Variants in TAFA5 observed in about 807,000 individuals in gnomAD.
The protein encoded by TAFA5 is TAFA chemokine like family member 5.
In TAFA5, 6 loss-of-function variants were observed where a neutral mutation model predicts 15.3. That is an observed-to-expected ratio of 0.39 (90% CI 0.21 to 0.77). The LOEUF (loss-of-function observed/expected upper bound fraction) is 0.77. Among genes scored for constraint, TAFA5 ranks in the 30% least tolerant of loss-of-function variants. The pLI, the probability that TAFA5 is intolerant of heterozygous loss-of-function variation, is 0.41. For synonymous variants in TAFA5, 103 were observed against 80.7 expected (o/e 1.28, Z -1.48); for missense variants, 161 against 193.1 (o/e 0.83, Z 0.98).
intron 2 of TAFA5, 95 bp from the exon 3 acceptor site, chr22:48,707,622 C>T (rs560960049): frequency 2.8e-6 from 4 of 1,432,742 alleles, no homozygotes; most frequent in East Asian, 2.4e-5. Flanking sequence ...TGCCTGAGGG[C>T]CCCCCCAGCC....
chr22:48,670,177 C>A (rs1056035037), intron 2 of TAFA5, among the ~76,000 whole-genome samples: 11 of 152,238 alleles, frequency 7.2e-5, no homozygotes, highest in African/African-American at 2.7e-4. Flanking sequence ...GCCCACACTG[C>A]CCCTCATTCT....
chr22:48,697,332 TG>T, intron 2 of TAFA5, among the ~76,000 whole-genome samples: 1 of 150,992 alleles, frequency 6.6e-6, no homozygotes, highest in Non-Finnish European at 1.5e-5. Context: ...GTGGTTATGG[TG>T]ACAGTGGTGA....
intron 2 of TAFA5, among the ~76,000 whole-genome samples, chr22:48,690,156 A>T (rs1928493747): frequency 6.6e-6 from 1 of 151,700 alleles, no homozygotes; most frequent in Admixed American, 6.6e-5. Context: ...TCATAACTGC[A>T]TTTGTCCTCA....
chr22:48,647,936 C>T (rs1169477966), intron 2 of TAFA5, among the ~76,000 whole-genome samples: 1 of 152,134 alleles, frequency 6.6e-6, no homozygotes, highest in Non-Finnish European at 1.5e-5. Flanking sequence ...GAGTGACAGG[C>T]GTAGACTTGG....
chr22:48,585,571 C>G (rs1601596620), intron 1 of TAFA5, among the ~76,000 whole-genome samples: 1 of 151,340 alleles, frequency 6.6e-6, no homozygotes, highest in Non-Finnish European at 1.5e-5. Context: ...ACAGCACACA[C>G]CGCAGACACA....
At chr22:48,584,728 C>T (rs779553064) in intron 1 of TAFA5, among the ~76,000 whole-genome samples, 3 of 148,480 alleles carry the variant, frequency 2.0e-5, no homozygotes, top group Non-Finnish European at 3.0e-5. Flanking sequence ...ACCCCACACG[C>T]ACCATATACA....
At chr22:48,514,171 G>A (rs1921321711) in intron 1 of TAFA5, among the ~76,000 whole-genome samples, 3 of 152,178 alleles carry the variant, frequency 2.0e-5, no homozygotes, top group Non-Finnish European at 4.4e-5. Context: ...GCATATATGA[G>A]TGGGCTCGGG....
chr22:48,585,690 A>G lies in TAFA5; in HGVS notation c.113-60907A>G, dbSNP rs117672488. On this transcript the variant is annotated intron_variant, in intron 1 of 3. Coordinates refer to ENST00000402357, the MANE Select transcript of TAFA5 (RefSeq NM_001082967.3). ...ACCACACACACCACAAACATACACA[A>G]CGTATACACAGACACAGAATATACC... is the stretch of plus-strand genomic sequence containing the variant. Among the ~76,000 whole-genome samples, 377 of 151,498 alleles carry G rather than the reference A, an allele frequency of 2.5e-3. 3 individuals are homozygous for G. Among genetic ancestry groups the G allele is most frequent in the Non-Finnish European group, 4.6e-3 (312 of 67,832 alleles).
At chr22:48,730,660 T>C (rs966916929) in intron 3 of TAFA5, among the ~76,000 whole-genome samples, 3 of 152,188 alleles carry the variant, frequency 2.0e-5, no homozygotes, top group Admixed American at 6.5e-5. Context: ...CTATATCTGT[T>C]ACGGTGATCT....
At position 48,490,294 on chromosome 22, in the gene TAFA5, C is replaced by T. The variant is rs1486686669; in HGVS notation, c.112+590C>T. Reference sequence around the variant, plus strand: ...TGGGATGCCCGGAGGGGGCTCGCCGCGGCCGCGGACGTTTCTCGGGTCGTG... The same window carrying T: ...TGGGATGCCCGGAGGGGGCTCGCCGTGGCCGCGGACGTTTCTCGGGTCGTG... On this transcript the variant is annotated intron_variant, in intron 1 of 3. Coordinates refer to ENST00000402357, the MANE Select transcript of TAFA5 (RefSeq NM_001082967.3). The surrounding 1 kb of genome is among the most constrained non-coding windows in gnomAD (Gnocchi z 5.8). Among the ~76,000 whole-genome samples the T allele has an allele frequency of 6.6e-6, 1 of 152,040 alleles. No individual in the cohort carries two copies. Among genetic ancestry groups the T allele is most frequent in the African/African-American group, 2.4e-5 (1 of 41,428 alleles).
chr22:48,590,396 GGCT>G (rs1924522380), intron 1 of TAFA5, among the ~76,000 whole-genome samples: 1 of 152,218 alleles, frequency 6.6e-6, no homozygotes, highest in African/African-American at 2.4e-5. Flanking sequence ...CAGCTTTTAT[GGCT>G]ACCTTCTATT....
intron 1 of TAFA5, among the ~76,000 whole-genome samples, chr22:48,498,476 A>G (rs1920937184): frequency 6.6e-6 from 1 of 152,078 alleles, no homozygotes; most frequent in Non-Finnish European, 1.5e-5. Flanking sequence ...ATTGGTAGGT[A>G]TATTTAGTAG....
intron 2 of TAFA5, among the ~76,000 whole-genome samples, chr22:48,664,146 G>T (rs1368673685): frequency 6.6e-6 from 1 of 152,210 alleles, no homozygotes; most frequent in Non-Finnish European, 1.5e-5. Flanking sequence ...TCAGTTTGTG[G>T]ATGGAATACA....
At chr22:48,714,638 C>T (rs995943549) in intron 3 of TAFA5, among the ~76,000 whole-genome samples, 2 of 152,202 alleles carry the variant, frequency 1.3e-5, no homozygotes, top group Non-Finnish European at 2.9e-5. Flanking sequence ...TGAAAATCGA[C>T]GTTCTGAGGT....
At chr22:48,548,122 C>T (rs1398002595) in intron 1 of TAFA5, among the ~76,000 whole-genome samples, 1 of 152,204 alleles carries the variant, frequency 6.6e-6, no homozygotes, top group Non-Finnish European at 1.5e-5. Context: ...GCTTCAGGCG[C>T]AGGAGGCCCG....
chr22:48,594,021 C>T (rs1338188846), intron 1 of TAFA5, among the ~76,000 whole-genome samples: 1 of 152,212 alleles, frequency 6.6e-6, no homozygotes, highest in Non-Finnish European at 1.5e-5. Context: ...TCCGGGGAGA[C>T]CCATTGTGAT....
Position 48,740,570 on chromosome 22 carries a change from G to A in TAFA5, c.391-9269G>A, listed in dbSNP as rs986253739. Among the ~76,000 whole-genome samples the A allele has an allele frequency of 2.6e-5, 4 of 152,210 alleles. No homozygotes were observed. In the South Asian group the frequency reaches 6.2e-4, roughly 24 times the overall value. On this transcript the variant is annotated intron_variant, in intron 3 of 3. Coordinates refer to ENST00000402357, the MANE Select transcript of TAFA5 (RefSeq NM_001082967.3). ...TGTCTCCTTCCTAACGTGGAAGCAC[G>A]TGGCAGCGTCGTGGCTTCAGAACCG...
intron 1 of TAFA5, among the ~76,000 whole-genome samples, chr22:48,619,170 C>A (rs1438689858): frequency 6.6e-6 from 1 of 152,196 alleles, no homozygotes; most frequent in Non-Finnish European, 1.5e-5. Flanking sequence ...GCAGCCACGA[C>A]ATGCCACATC....
chr22:48,492,985 C>T (rs1928208357), intron 1 of TAFA5, among the ~76,000 whole-genome samples: 1 of 152,152 alleles, frequency 6.6e-6, no homozygotes, highest in Non-Finnish European at 1.5e-5. Context: ...GACCTCTTGA[C>T]CCAGCTAGAG....
Sources: allele counts gnomAD v4.1 joint callset (sites outside exome capture counted in the v4.1 genomes callset), GRCh38; gene constraint gnomAD v4.1.1; non-coding constraint Gnocchi (gnomAD v3.1); transcripts MANE v1.5; gene names NCBI Gene and HGNC (gene_info 2026-07-23, HGNC 2026-07-21).